Variants in SUMF1 observed in about 807,000 individuals in gnomAD.
SUMF1 encodes the protein formylglycine-generating enzyme.
In SUMF1, 48 loss-of-function variants were observed where a neutral mutation model predicts 47.6. That is an observed-to-expected ratio of 1.01 (90% CI 0.80 to 1.28). The LOEUF (loss-of-function observed/expected upper bound fraction) is 1.28. Among genes scored for constraint, SUMF1 ranks in the 50% most tolerant of loss-of-function variants. The pLI is 0.00. For missense variants in SUMF1, 571 were observed against 485.4 expected, an observed-to-expected ratio of 1.18 and a Z score of -1.66; for synonymous variants, 230 against 192.1, an observed-to-expected ratio of 1.20 and a Z score of -1.63.
At chr3:4,318,893 G>GA (rs1447824223) in intron 8 of SUMF1, among the ~76,000 whole-genome samples, 9 of 152,114 alleles carry the variant, frequency 5.9e-5, no homozygotes, top group African/African-American at 1.7e-4. Context: ...GTGACAGAGT[G>GA]AGACTGCCTC....
chr3:4,153,559 T>A (rs1694387360), intron 8 of SUMF1, among the ~76,000 whole-genome samples: 1 of 150,170 alleles, frequency 6.7e-6, no homozygotes, highest in Admixed American at 6.6e-5. Flanking sequence ...GTTTTTCCAC[T>A]GTTCAATGAC....
chr3:4,092,132 C>A (rs1170099768), intron 8 of SUMF1, among the ~76,000 whole-genome samples: 2 of 152,106 alleles, frequency 1.3e-5, no homozygotes, highest in Non-Finnish European at 2.9e-5. Flanking sequence ...TTAGTCCTCT[C>A]TTAGAGCTGC....
At chr3:4,087,245 T>G (rs1297292522) in intron 8 of SUMF1, among the ~76,000 whole-genome samples, 1 of 152,188 alleles carries the variant, frequency 6.6e-6, no homozygotes, top group Non-Finnish European at 1.5e-5. Flanking sequence ...TTAATCTGAT[T>G]GCCTCAGCTT....
rs528634910 is a variant in SUMF1 at position 4,353,015 on chromosome 3, T to G, written c.1014+23315A>C. Among the ~76,000 whole-genome samples, 9 of 152,332 alleles carry G rather than the reference T, an allele frequency of 5.9e-5. No individual in the cohort carries two copies. In the South Asian group the frequency reaches 1.0e-3, roughly 18 times the overall value. On this transcript the variant is annotated intron_variant and NMD_transcript_variant, in intron 8 of 12. Coordinates refer to the SUMF1 transcript ENST00000448413. ...TCCTAGATGAACAGCTCTCAGGTTT[T>G]TTGGTTTCAGGATCCCTTTACACTC...
chr3:4,452,924 A>G lies in SUMF1; in HGVS notation c.396T>C (p.Ser132=), dbSNP rs1234380681. Residue 132 remains serine, a synonymous_variant, in exon 2 of 9, where the codon AGT becomes AGC. Coordinates refer to ENST00000272902, the MANE Select transcript of SUMF1 (RefSeq NM_182760.4). ...TCACAAACTTCTCAAATTCAGTATT[A>G]CTGACTTCATAGGCATCCATGTAAA... ...DAFYMDAYEV[S]NTEFEKFVNS... The G allele has an allele frequency of 1.2e-6, 2 of 1,614,084 alleles. No individual in the cohort carries two copies. The highest frequency in any genetic ancestry group is 1.3e-5 in the African/African-American group (1 of 74,928).
chr3:4,404,875 T>C, intron 7 of SUMF1, among the ~76,000 whole-genome samples: 1 of 152,166 alleles, frequency 6.6e-6, no homozygotes, highest in East Asian at 1.9e-4. Context: ...AGGTACTCAA[T>C]GAATGCTTGC....
chr3:4,106,366 A>T (rs770186968), intron 8 of SUMF1, among the ~76,000 whole-genome samples: 12 of 152,020 alleles, frequency 7.9e-5, no homozygotes, highest in Non-Finnish European at 1.6e-4. Context: ...AGCACTGTTC[A>T]CCAGGCCATA....
rs752297257 is a variant in SUMF1, at chr3:4,131,992, G to C, written c.1015-63247C>G. 5.9e-5 allele frequency among the ~76,000 whole-genome samples: 9 copies of C among 152,198 alleles called. No individual in the cohort carries two copies. The East Asian group carries it at 1.7e-3, about 29-fold the overall frequency. ...ACAGCCAGTGCTGAGTGCCCAATTTGCCAGGAGCAGAGACCAACACTGAGC... is the reference window on the plus strand; with the variant it reads ...ACAGCCAGTGCTGAGTGCCCAATTTCCCAGGAGCAGAGACCAACACTGAGC... On this transcript the variant is annotated intron_variant and NMD_transcript_variant, in intron 8 of 12. Transcript: ENST00000448413.
At chr3:4,056,914 T>G (rs893361643) in intron 9 of SUMF1, among the ~76,000 whole-genome samples, 2 of 151,404 alleles carry the variant, frequency 1.3e-5, no homozygotes, top group Non-Finnish European at 2.9e-5. Flanking sequence ...GCTAATTTTT[T>G]GTATTTTAAG....
At chr3:4,165,463 C>A (rs1825509) in intron 8 of SUMF1, among the ~76,000 whole-genome samples, 76 of 151,850 alleles carry the variant, frequency 5.0e-4, no homozygotes, top group African/African-American at 1.7e-3. Flanking sequence ...TTATCATTAA[C>A]AGGAAGGGGA....
intron 7 of SUMF1, among the ~76,000 whole-genome samples, chr3:4,390,379 C>A (rs1312978524): frequency 2.0e-5 from 3 of 152,190 alleles, no homozygotes; most frequent in African/African-American, 7.2e-5. Flanking sequence ...ACTCCCCACT[C>A]AGCCTTTGCT....
chr3:4,185,462 T>A (rs1313035128), intron 8 of SUMF1, among the ~76,000 whole-genome samples: 1 of 152,222 alleles, frequency 6.6e-6, no homozygotes, highest in Non-Finnish European at 1.5e-5. Context: ...ATAACTACTA[T>A]GAATGCTTTT....
intron 3 of SUMF1, among the ~76,000 whole-genome samples, chr3:4,424,440 C>T (rs1480243646): frequency 1.3e-5 from 2 of 152,146 alleles, no homozygotes; most frequent in African/African-American, 4.8e-5. Context: ...AACACGTGAA[C>T]ACACTGTGGC....
chr3:4,259,428 A>T (rs909991345), intron 8 of SUMF1, among the ~76,000 whole-genome samples: 9 of 152,232 alleles, frequency 5.9e-5, no homozygotes, highest in Non-Finnish European at 8.8e-5. Context: ...CAGTTATATA[A>T]GATCATATGA....
downstream of SUMF1, among the ~76,000 whole-genome samples, chr3:4,356,830 C>T (rs938443935): frequency 6.6e-6 from 1 of 152,198 alleles, no homozygotes; most frequent in African/African-American, 2.4e-5. Flanking sequence ...GCAGGGCAGC[C>T]ATGGACGAGA....
At chr3:4,408,798 C>T (rs930974003) in intron 7 of SUMF1, among the ~76,000 whole-genome samples, 1 of 151,926 alleles carries the variant, frequency 6.6e-6, no homozygotes, top group Non-Finnish European at 1.5e-5. Flanking sequence ...TGGCGAAACC[C>T]CGTTTCTACT....
At chr3:4,127,929 A>G (rs781349455) in intron 8 of SUMF1, among the ~76,000 whole-genome samples, 2 of 152,134 alleles carry the variant, frequency 1.3e-5, no homozygotes, top group Non-Finnish European at 2.9e-5. Flanking sequence ...CACAAAATAA[A>G]TGCATTTGAC....
chr3:4,116,211 G>A (rs1693420717), intron 8 of SUMF1, among the ~76,000 whole-genome samples: 1 of 152,012 alleles, frequency 6.6e-6, no homozygotes, highest in South Asian at 2.1e-4. Flanking sequence ...CGTAGAAGAG[G>A]GATCAACCCA....
chr3:4,353,334 A>G (rs200269327), intron 8 of SUMF1, among the ~76,000 whole-genome samples: 8 of 151,834 alleles, frequency 5.3e-5, no homozygotes, highest in African/African-American at 9.7e-5. Context: ...CTCACTGCAA[A>G]CTCCGCCTCC....
Sources: allele counts gnomAD v4.1 joint callset (sites outside exome capture counted in the v4.1 genomes callset), GRCh38; gene constraint gnomAD v4.1.1; transcripts MANE v1.5; gene names NCBI Gene and HGNC (gene_info 2026-07-23, HGNC 2026-07-21).